Variants in MPV17L2 observed in about 807,000 individuals in gnomAD.
The protein encoded by MPV17L2 is MPV17 mitochondrial inner membrane protein like 2.
Under a neutral mutation model 24.2 loss-of-function variants are expected in MPV17L2, and 25 were observed. That is an observed-to-expected ratio of 1.03 (90% confidence interval 0.75 to 1.44). MPV17L2 has a LOEUF of 1.44. Ranked by LOEUF, MPV17L2 falls within the 40% of genes most tolerant of loss-of-function variation. The probability of loss-of-function intolerance (pLI) is 0.00; values close to 1 mark genes in which losing one functional copy is unlikely to be tolerated. For missense variants in MPV17L2, 271 were observed against 276.2 expected (o/e 0.98, Z 0.13); for synonymous variants, 130 against 121.4 (o/e 1.07, Z -0.46).
At chr19:18,194,076 G>T (rs1280421796) in intron 2 of MPV17L2, 42 bp downstream of exon 2, 2 of 1,597,118 alleles carry the variant, frequency 1.3e-6, no homozygotes, top group African/African-American at 1.3e-5. Flanking sequence ...CTCATAGGTC[G>T]GGAGGGGTGG....
rs754874636 is a variant in MPV17L2, at chr19:18,193,945, C to T, written c.269C>T (p.Ser90Phe). The T allele has an allele frequency of 3.1e-6, 5 of 1,614,122 alleles. No homozygotes were observed. In the East Asian group the frequency reaches 1.1e-4, roughly 36 times the overall value. ...YLSLDRLFPA[S>F]GLRGFPNVLK... ...TCGCTGGACCGCCTATTCCCTGCGT[C>T]TGGCCTCCGAGGCTTCCCAAATGTC... is the stretch of plus-strand genomic sequence containing the variant. Residue 90 changes from serine (S) to phenylalanine (F), a missense_variant, in exon 2 of 5, where the codon TCT (serine) becomes TTT (phenylalanine). By Grantham distance (155) the Ser-to-Phe change is radical. Transcript: ENST00000599612.
At chr19:18,195,146 C>CTCCA (rs1967490658) in intron 4 of MPV17L2, 60 bp downstream of exon 4, 1 of 1,568,478 alleles carries the variant, frequency 6.4e-7, no homozygotes, top group Non-Finnish European at 8.7e-7. Context: ...CACGTGTGAG[C>CTCCA]TCCAAGTGGC....
chr19:18,193,414 C>T lies in MPV17L2; in HGVS notation c.133C>T (p.Gln45Ter). 2 of 1,571,364 alleles carry T rather than the reference C, an allele frequency of 1.3e-6. No homozygotes were observed. The highest frequency in any genetic ancestry group is 1.7e-6 in the Non-Finnish European group (2 of 1,167,060). Residue 45 changes from glutamine to a stop codon, truncating the protein, a stop_gained, in exon 1 of 5, where the codon CAG (glutamine) becomes TAG (stop). Coordinates refer to ENST00000599612, the MANE Select transcript of MPV17L2 (RefSeq NM_032683.3). LOFTEE classifies it high-confidence loss of function. Reference protein sequence around the residue: ...ALMAAGDGVRQSWEIRARPGQ... With the variant: ...ALMAAGDGVR Reference sequence around the variant, plus strand: ...CATGGCGGCCGGTGATGGCGTGCGCCAGTCCTGGGAGATCCGCGCCCGGCC... The same window carrying T: ...CATGGCGGCCGGTGATGGCGTGCGCTAGTCCTGGGAGATCCGCGCCCGGCC...
In MPV17L2 at chr19:18,196,554, T is replaced by C. The variant is rs1054482342; in HGVS notation, c.*499T>C. On this transcript the variant is annotated 3_prime_UTR_variant, in exon 5 of 5. Coordinates refer to ENST00000599612, the MANE Select transcript of MPV17L2 (RefSeq NM_032683.3). ...TTTCCCTGGTCCTGAACTGTGGAAA[T>C]GCCATTAAACTCTCTCTATAATGTA... 14 of 748,308 alleles carry C rather than the reference T, an allele frequency of 1.9e-5. No individual in the cohort carries two copies. The highest frequency in any genetic ancestry group is 9.3e-5 in the African/African-American group (5 of 53,990). The allele number at this position is 748,308 out of a possible 1,614,324, so 46.4% of individuals were successfully genotyped here.
At chr19:18,194,082 G>T in intron 2 of MPV17L2, 48 bp downstream of exon 2, 1 of 1,587,166 alleles carries the variant, frequency 6.3e-7, no homozygotes, top group Non-Finnish European at 8.6e-7. Flanking sequence ...GGTCGGGAGG[G>T]GTGGAGCCAG....
At chr19:18,194,119 G>A (rs1284395513) in intron 2 of MPV17L2, 85 bp downstream of exon 2, 3 of 1,471,728 alleles carry the variant, frequency 2.0e-6, no homozygotes, top group Non-Finnish European at 2.8e-6. Flanking sequence ...ATGCAGAGGT[G>A]CATTTCCAAT....
At chr19:18,195,522 C>T (rs994635103) in intron 4 of MPV17L2, among the ~76,000 whole-genome samples, 3 of 147,676 alleles carry the variant, frequency 2.0e-5, no homozygotes, top group African/African-American at 7.5e-5. Context: ...GGTGACAGAG[C>T]GAGACTCCGT....
chr19:18,194,722 G>T (rs1967479499), intron 2 of MPV17L2, 55 bp from the exon 3 acceptor site: 2 of 1,500,256 alleles, frequency 1.3e-6, no homozygotes, highest in African/African-American at 2.8e-5. Context: ...CCATCTTGTC[G>T]TCTCAACAGT....
chr19:18,195,462 G>C (rs1033630179), intron 4 of MPV17L2, among the ~76,000 whole-genome samples: 16 of 152,154 alleles, frequency 1.1e-4, no homozygotes, highest in Middle Eastern at 3.4e-3. Flanking sequence ...CTTGAACCCA[G>C]GAGGCAGAGG....
Position 18,194,972 on chromosome 19 carries a change from G to A in MPV17L2, c.450G>A (p.Val150=). The A allele has an allele frequency of 1.2e-6, 2 of 1,613,622 alleles. No individual in the cohort carries two copies. Among genetic ancestry groups the A allele is most frequent in the Non-Finnish European group, 8.5e-7 (1 of 1,179,786 alleles). The part of the protein sequence containing the change: ...FWEFYKADWC[V]WPAAQFVNFL... ...TCTCCCCGCAGGCAGACTGGTGCGTGTGGCCTGCTGCGCAGTTCGTGAACT... is the reference window on the plus strand; with the variant it reads ...TCTCCCCGCAGGCAGACTGGTGCGTATGGCCTGCTGCGCAGTTCGTGAACT... Residue 150 remains valine, a synonymous_variant, in exon 4 of 5, where the codon GTG becomes GTA. Transcript: ENST00000599612.
At chr19:18,195,859 C>G in intron 4 of MPV17L2, 140 bp from the exon 5 acceptor site, 2 of 766,106 alleles carry the variant, frequency 2.6e-6, no homozygotes, top group Non-Finnish European at 4.3e-6. Flanking sequence ...AGACCCAACC[C>G]TTCTCTGCTG....
In MPV17L2 at chr19:18,194,968, G is replaced by C. The variant is rs1600021727; in HGVS notation, c.446G>C (p.Cys149Ser). The C allele has an allele frequency of 6.2e-7, 1 of 1,613,362 alleles. No individual in the cohort carries two copies. Among genetic ancestry groups the C allele is most frequent in the South Asian group, 1.1e-5 (1 of 91,040 alleles). ...KFWEFYKADW[C>S]VWPAAQFVNF... ...CGCCTCTCCCCGCAGGCAGACTGGT[G>C]CGTGTGGCCTGCTGCGCAGTTCGTG... Residue 149 changes from cysteine to serine, a missense_variant, in exon 4 of 5, where the codon TGC becomes TCC. By Grantham distance (112) the Cys-to-Ser change is moderately radical. Coordinates refer to ENST00000599612, the MANE Select transcript of MPV17L2 (RefSeq NM_032683.3).
At position 18,193,485 on chromosome 19, in the gene MPV17L2, G is replaced by A; in HGVS notation, c.187+17G>A. 1 of 1,484,710 alleles carries A rather than the reference G, an allele frequency of 6.7e-7. No homozygotes were observed. Among genetic ancestry groups the A allele is most frequent in the Non-Finnish European group, 8.9e-7 (1 of 1,126,598 alleles). The allele number at this position is 1,484,710 out of a possible 1,614,324, so 92.0% of individuals were successfully genotyped here. A position where few individuals can be genotyped will look rare whatever the true frequency, so the allele number is the denominator to read the frequency against. ...GGCGCTCCGGTGAGGACGCCACGCT[G>A]CTTAGTCCTTCACCCCGGGCGACCT... On this transcript the variant is annotated intron_variant, in intron 1 of 4. Transcript: ENST00000599612.
At chr19:18,194,878 T>C in intron 3 of MPV17L2, 25 bp downstream of exon 3, 2 of 1,599,268 alleles carry the variant, frequency 1.3e-6, no homozygotes, top group South Asian at 2.2e-5. Flanking sequence ...CCCTTGCACA[T>C]GTCCGGCCCC....
rs1967496458 is a variant in MPV17L2, at chr19:18,195,434, G to A, written c.564+348G>A. ...ACCTGTAATTCCAGTTACTTGAGAG[G>A]CTGAGGCAGGAGAATTGCTTGAACC... On this transcript the variant is annotated intron_variant, in intron 4 of 4. Coordinates refer to ENST00000599612, the MANE Select transcript of MPV17L2 (RefSeq NM_032683.3). Among the ~76,000 whole-genome samples the A allele has an allele frequency of 2.6e-5, 4 of 152,038 alleles. No homozygotes were observed. The South Asian group carries it at 8.3e-4, about 32-fold the overall frequency.
chr19:18,193,248 G>C lies in MPV17L2; in HGVS notation c.-34G>C, dbSNP rs1304282921. The C allele has an allele frequency of 1.3e-5, 19 of 1,448,786 alleles. No homozygotes were observed. The highest frequency in any genetic ancestry group is 1.4e-5 in the Non-Finnish European group (16 of 1,107,826). 89.7% of individuals were successfully genotyped at this position (1,448,786 alleles called of 1,614,324 possible). On this transcript the variant is annotated 5_prime_UTR_variant, in exon 1 of 5. Transcript: ENST00000599612. ...GCGACTGGTCGGCGCGGCGAAAGCA[G>C]AGCGGCGCGCCGGTTCCTTGGTTCC... is the stretch of plus-strand genomic sequence containing the variant.
rs771456268 is a variant in MPV17L2, at chr19:18,196,242, A to G, written c.*187A>G. ...CTGGGACTGAGTTTCCTCAACCGGAACACACCCATGAAGATGGATGATCAT... is the reference window on the plus strand; with the variant it reads ...CTGGGACTGAGTTTCCTCAACCGGAGCACACCCATGAAGATGGATGATCAT... On this transcript the variant is annotated 3_prime_UTR_variant, in exon 5 of 5. Transcript: ENST00000599612. 9.2e-6 allele frequency: 14 copies of G among 1,525,858 alleles called. No homozygotes were observed. The South Asian group carries it at 1.4e-4, about 16-fold the overall frequency. 94.5% of individuals were successfully genotyped at this position (1,525,858 alleles called of 1,614,324 possible).
chr19:18,196,358 G>GCAC lies in MPV17L2; in HGVS notation c.*306_*308dup. The GCAC allele has an allele frequency of 7.3e-7, 1 of 1,364,278 alleles. No individual in the cohort carries two copies. The highest frequency in any genetic ancestry group is 9.6e-7 in the Non-Finnish European group (1 of 1,037,048). 84.5% of individuals were successfully genotyped at this position (1,364,278 alleles called of 1,614,324 possible). ...GGCCCACTCTGCCAACCAGTCTCAA[G>GCAC]CACCAGCCCCTCAACACTGCCATCC... On this transcript the variant is annotated 3_prime_UTR_variant, in exon 5 of 5. Transcript: ENST00000599612.
At chr19:18,194,083 G>C in intron 2 of MPV17L2, 49 bp downstream of exon 2, 1 of 1,587,438 alleles carries the variant, frequency 6.3e-7, no homozygotes, top group East Asian at 2.3e-5. Flanking sequence ...GTCGGGAGGG[G>C]TGGAGCCAGC....
Sources: gnomAD v4.1 joint callset for allele counts (sites outside exome capture counted in the v4.1 genomes callset) on GRCh38, gnomAD v4.1.1 for gene constraint, MANE v1.5 for transcripts, NCBI Gene and HGNC (gene_info 2026-07-23, HGNC 2026-07-21) for gene names.